Variants in SDCCAG8 observed in about 807,000 individuals in gnomAD.
SDCCAG8 encodes SHH signaling and ciliogenesis regulator SDCCAG8.
Under a neutral mutation model 101.8 loss-of-function variants are expected in SDCCAG8, and 74 were observed. The observed-to-expected ratio is 0.73, with a 90% CI of 0.60 to 0.88. The LOEUF (loss-of-function observed/expected upper bound fraction) is 0.88. Ranked by LOEUF, SDCCAG8 falls within the 40% of genes least tolerant of loss-of-function variation. SDCCAG8 has a pLI of 0.00. For missense variants in SDCCAG8, 787 were observed against 822.6 expected (o/e 0.96, Z 0.53); for synonymous variants, 281 against 292.9 (o/e 0.96, Z 0.41).
intron 16 of SDCCAG8, among the ~76,000 whole-genome samples, chr1:243,431,049 T>C (rs2081726374): frequency 6.6e-6 from 1 of 151,756 alleles, no homozygotes; most frequent in Non-Finnish European, 1.5e-5. Flanking sequence ...ATACAAAAAT[T>C]AGCTGTGTGT....
intron 6 of SDCCAG8, among the ~76,000 whole-genome samples, chr1:243,302,495 C>T (rs2071617632): frequency 2.6e-5 from 4 of 152,130 alleles, no homozygotes. Flanking sequence ...GCTCCTAACT[C>T]ACGAGACTTG....
In SDCCAG8 at chr1:243,368,160, G is replaced by A. The variant is rs2077089673; in HGVS notation, c.1474-10561G>A. Among the ~76,000 whole-genome samples, 3 of 150,952 alleles carry A rather than the reference G, an allele frequency of 2.0e-5. No homozygotes were observed. The Admixed American group carries it at 2.0e-4, about 10-fold the overall frequency. On this transcript the variant is annotated intron_variant, in intron 12 of 17. Transcript: ENST00000366541. The stretch of plus-strand genomic sequence containing the variant: ...GAGCCGGGGAGGTTAAGGCTGAAGT[G>A]AACTGTAATCTCACCAGCCTGGGTG...
chr1:243,363,795 G>C (rs766381606), intron 12 of SDCCAG8, among the ~76,000 whole-genome samples: 1 of 152,164 alleles, frequency 6.6e-6, no homozygotes, highest in African/African-American at 2.4e-5. Flanking sequence ...ACTATGAAAA[G>C]CTGTATACAT....
At position 243,270,258 on chromosome 1, in the gene SDCCAG8, G is replaced by C. The variant is rs1317206876; in HGVS notation, c.220+1G>C. On this transcript the variant is annotated splice_donor_variant, in intron 2 of 17. Coordinates refer to ENST00000366541, the MANE Select transcript of SDCCAG8 (RefSeq NM_006642.5). LOFTEE classifies it high-confidence loss of function. ...CCCGAATTACAACAGAGCCATGCTGGTGAGTGTGAATGTCAATCCTAGTCT... is the reference window on the plus strand; with the variant it reads ...CCCGAATTACAACAGAGCCATGCTGCTGAGTGTGAATGTCAATCCTAGTCT... 1 of 1,613,986 alleles carries C rather than the reference G, an allele frequency of 6.2e-7. No homozygotes were observed. Among genetic ancestry groups the C allele is most frequent in the Non-Finnish European group, 8.5e-7 (1 of 1,179,924 alleles).
chr1:243,321,270 AT>A (rs1055176111), intron 9 of SDCCAG8, among the ~76,000 whole-genome samples: 1 of 152,172 alleles, frequency 6.6e-6, no homozygotes, highest in Non-Finnish European at 1.5e-5. Context: ...TTTTAAAAAA[AT>A]ATTTCAGCTT....
At chr1:243,435,204 C>T (rs976959895) in intron 16 of SDCCAG8, among the ~76,000 whole-genome samples, 2 of 152,148 alleles carry the variant, frequency 1.3e-5, no homozygotes, top group South Asian at 2.1e-4. Flanking sequence ...ATGCATCGTA[C>T]GTAACAGCAT....
intron 12 of SDCCAG8, among the ~76,000 whole-genome samples, chr1:243,353,525 A>AAAAAAAAAAT (rs2076219360): frequency 7.5e-6 from 1 of 133,662 alleles, no homozygotes; most frequent in East Asian, 2.0e-4. Flanking sequence ...AAAAAAAAAG[A>AAAAAAAAAAT]ATGTTGCCCA....
At chr1:243,324,845 C>G (rs985558780) in intron 9 of SDCCAG8, among the ~76,000 whole-genome samples, 2 of 152,302 alleles carry the variant, frequency 1.3e-5, no homozygotes, top group Non-Finnish European at 2.9e-5. Context: ...CTCTTTCACT[C>G]TACTCTTTCA....
chr1:243,303,068 AG>A (rs2071696590), intron 6 of SDCCAG8, among the ~76,000 whole-genome samples: 1 of 152,208 alleles, frequency 6.6e-6, no homozygotes, highest in Admixed American at 6.5e-5. Flanking sequence ...TTGGGAGTGA[AG>A]GGTTTCAAGA....
chr1:243,436,748 A>T (rs2082160299), intron 16 of SDCCAG8, among the ~76,000 whole-genome samples: 1 of 152,188 alleles, frequency 6.6e-6, no homozygotes, highest in African/African-American at 2.4e-5. Flanking sequence ...TAATATTTTT[A>T]TAATGTTTAT....
chr1:243,452,856 G>A (rs1261462917), intron 16 of SDCCAG8, among the ~76,000 whole-genome samples: 1 of 152,170 alleles, frequency 6.6e-6, no homozygotes, highest in Non-Finnish European at 1.5e-5. Flanking sequence ...CTTCTGTTGT[G>A]CCAGGCAAGG....
At chr1:243,257,526 G>A (rs533726960) in intron 1 of SDCCAG8, among the ~76,000 whole-genome samples, 8 of 152,240 alleles carry the variant, frequency 5.3e-5, no homozygotes, top group Admixed American at 2.6e-4. Context: ...GTAAAGATCA[G>A]TGCTTACTAG....
In SDCCAG8 at chr1:243,322,251, C is replaced by T. The variant is rs181824287; in HGVS notation, c.1068+5358C>T. 5.3e-5 allele frequency among the ~76,000 whole-genome samples: 8 copies of T among 152,300 alleles called. No individual in the cohort carries two copies. In the East Asian group the frequency reaches 9.6e-4, roughly 18 times the overall value. The stretch of plus-strand genomic sequence containing the variant: ...GAGGCCACACTCAAATCTGTCTCCT[C>T]GTTCTGCGGCAAGATCAGGAAGATT... On this transcript the variant is annotated intron_variant, in intron 9 of 17. Transcript: ENST00000366541.
At chr1:243,476,386 T>C in intron 16 of SDCCAG8, 3 of 983,950 alleles carry the variant, frequency 3.0e-6, no homozygotes, top group Non-Finnish European at 3.6e-6. Context: ...TGATTGAATC[T>C]GGTTACTTAG....
At chr1:243,342,538 C>T (rs1312342184) in intron 11 of SDCCAG8, among the ~76,000 whole-genome samples, 2 of 152,316 alleles carry the variant, frequency 1.3e-5, no homozygotes, top group East Asian at 1.9e-4. Context: ...ACAGTTTTTA[C>T]ATAACCAGCT....
In SDCCAG8 at chr1:243,308,092, C is replaced by A. The variant is rs1009206608; in HGVS notation, c.844C>A (p.Leu282Ile). Reference protein sequence around the residue: ...AANTCNRVGGLCLKCAQHEAV... With the variant: ...AANTCNRVGGICLKCAQHEAV... ...TAATACTTGTAACCGTGTTGGTGGTCTTTGTTTGAAATGTGCTCAGCATGA... is the reference window on the plus strand; with the variant it reads ...TAATACTTGTAACCGTGTTGGTGGTATTTGTTTGAAATGTGCTCAGCATGA... The change falls in exon 8 of 18, where the codon CTT (leucine) becomes ATT (isoleucine). Residue 282 changes from leucine (L) to isoleucine (I), a missense_variant. Transcript: ENST00000366541. The A allele has an allele frequency of 6.2e-7, 1 of 1,614,126 alleles. No individual in the cohort carries two copies. Among genetic ancestry groups the A allele is most frequent in the Non-Finnish European group, 8.5e-7 (1 of 1,180,020 alleles).
In SDCCAG8 at chr1:243,360,344, G is replaced by A. The variant is rs185560106; in HGVS notation, c.1473+16013G>A. Among the ~76,000 whole-genome samples, 281 of 151,650 alleles carry A rather than the reference G, an allele frequency of 1.9e-3. 2 individuals carry two copies. Among genetic ancestry groups the A allele is most frequent in the African/African-American group, 6.5e-3 (269 of 41,398 alleles). On this transcript the variant is annotated intron_variant, in intron 12 of 17. Coordinates refer to ENST00000366541, the MANE Select transcript of SDCCAG8 (RefSeq NM_006642.5). ...TTTATTTGTATTTTTAGTAGAGATG[G>A]GGTTTCACCGTGTTAGCCAGGATAG...
chr1:243,403,759 C>G (rs2079562512), intron 13 of SDCCAG8, among the ~76,000 whole-genome samples: 1 of 152,200 alleles, frequency 6.6e-6, no homozygotes, highest in South Asian at 2.1e-4. Context: ...CCGTCACCCC[C>G]TGATGGAACT....
chr1:243,275,662 A>G (rs1286990736), intron 4 of SDCCAG8, among the ~76,000 whole-genome samples: 1 of 152,148 alleles, frequency 6.6e-6, no homozygotes, highest in African/African-American at 2.4e-5. Context: ...CTTGAAAGAT[A>G]TAAAGCAGAA....
Sources: allele counts gnomAD v4.1 joint callset (sites outside exome capture counted in the v4.1 genomes callset), GRCh38; gene constraint gnomAD v4.1.1; transcripts MANE v1.5; gene names NCBI Gene and HGNC (gene_info 2026-07-23, HGNC 2026-07-21).